The following CSMD1 variants were observed in gnomAD, a reference collection of about 807,000 sequenced individuals.
The protein encoded by CSMD1 is CUB and Sushi multiple domains 1, also known as CUB and sushi domain-containing protein 1.
Under a neutral mutation model 417.5 loss-of-function variants are expected in CSMD1, and 213 were observed. That is an observed-to-expected ratio of 0.51 (90% confidence interval 0.46 to 0.57). The LOEUF (loss-of-function observed/expected upper bound fraction) is 0.57, where lower values mean the gene tolerates loss of function less well. CSMD1 is among the 20% of genes least tolerant of loss of function. CSMD1 has a pLI of 0.00. For missense variants in CSMD1, 6,923 were observed against 4,529.7 expected (o/e 1.53, Z -15.17); for synonymous variants, 2,862 against 1,736.8 (o/e 1.65, Z -16.11).
At chr8:3,378,811 G>A (rs1284081559) in intron 18 of CSMD1, among the ~76,000 whole-genome samples, 3 of 152,170 alleles carry the variant, frequency 2.0e-5, no homozygotes, top group African/African-American at 7.2e-5. Context: ...GCAAAAGCTG[G>A]AAGCATTCCC....
chr8:4,422,060 A>C (rs7015105), intron 2 of CSMD1, among the ~76,000 whole-genome samples: 42,974 of 151,968 alleles, frequency 0.28, 6,978 homozygotes, highest in African/African-American at 0.45. Flanking sequence ...ATGGGTCACT[A>C]ACTCAAACAA....
intron 7 of CSMD1, among the ~76,000 whole-genome samples, chr8:3,665,023 T>C (rs955521575): frequency 6.6e-6 from 1 of 152,076 alleles, no homozygotes; most frequent in Non-Finnish European, 1.5e-5. Context: ...TAAAATAACA[T>C]AATTATACAT....
At chr8:4,956,018 C>G (rs62489434) in intron 1 of CSMD1, among the ~76,000 whole-genome samples, 24,572 of 152,210 alleles carry the variant, frequency 0.16, 3,440 homozygotes, top group African/African-American at 0.37. Context: ...TACTCTCAGA[C>G]TGCTCCAGTC....
At chr8:4,683,434 A>G (rs1365705194) in intron 1 of CSMD1, among the ~76,000 whole-genome samples, 1 of 152,174 alleles carries the variant, frequency 6.6e-6, no homozygotes, top group African/African-American at 2.4e-5. Flanking sequence ...ATCCTGAAGG[A>G]CACACTTGAT....
intron 5 of CSMD1, among the ~76,000 whole-genome samples, chr8:3,831,479 G>A (rs1298356086): frequency 2.6e-5 from 4 of 152,098 alleles, no homozygotes; most frequent in Admixed American, 6.6e-5. Flanking sequence ...TGATATTGAG[G>A]TACTGAAGCC....
At chr8:3,754,120 T>C in intron 5 of CSMD1, 78 bp from the exon 6 acceptor site, 1 of 840,188 alleles carries the variant, frequency 1.2e-6, no homozygotes, top group East Asian at 2.7e-5. Flanking sequence ...CGCTTTGAAA[T>C]CCGATTACTT....
At chr8:3,465,456 G>A (rs183484963) in intron 12 of CSMD1, among the ~76,000 whole-genome samples, 85 of 152,248 alleles carry the variant, frequency 5.6e-4, no homozygotes, top group Admixed American at 1.2e-3. Context: ...GGTCCTCCTG[G>A]TCCACGTGTC....
chr8:3,294,203 C>G (rs926774929), intron 25 of CSMD1, among the ~76,000 whole-genome samples: 1 of 150,244 alleles, frequency 6.7e-6, no homozygotes, highest in Non-Finnish European at 1.5e-5. Context: ...TCTCAGAGTA[C>G]CAGGCCGTGT....
intron 1 of CSMD1, among the ~76,000 whole-genome samples, chr8:4,918,473 T>C (rs1806218250): frequency 6.6e-6 from 1 of 152,102 alleles, no homozygotes; most frequent in Non-Finnish European, 1.5e-5. Flanking sequence ...TTTCTAACTT[T>C]CTGCACAATG....
intron 25 of CSMD1, among the ~76,000 whole-genome samples, chr8:3,286,557 T>C (rs555336733): frequency 2.0e-5 from 3 of 152,170 alleles, no homozygotes; most frequent in Admixed American, 6.6e-5. Flanking sequence ...TGGTTTTGAT[T>C]TGCATTTCTC....
At chr8:4,861,057 T>C (rs527638075) in intron 1 of CSMD1, among the ~76,000 whole-genome samples, 16 of 152,254 alleles carry the variant, frequency 1.1e-4, no homozygotes, top group African/African-American at 3.9e-4. Flanking sequence ...CTCTAAAAGC[T>C]CCTTTTGTTC....
chr8:3,299,234 C>T (rs57805023), intron 25 of CSMD1, among the ~76,000 whole-genome samples: 6,369 of 152,086 alleles, frequency 0.042, 177 homozygotes, highest in African/African-American at 0.081. Flanking sequence ...GGTGGATCGC[C>T]TGAGGTCAGG....
chr8:3,110,069 T>C (rs1585374601), intron 43 of CSMD1, 89 bp downstream of exon 43: 1 of 1,089,412 alleles, frequency 9.2e-7, no homozygotes, highest in Non-Finnish European at 1.3e-6. Context: ...TTATTCTAAA[T>C]ATGTGCCTTG....
chr8:3,251,625 A>T (rs982832175), intron 26 of CSMD1, among the ~76,000 whole-genome samples: 1 of 152,180 alleles, frequency 6.6e-6, no homozygotes, highest in East Asian at 1.9e-4. Flanking sequence ...CTTGATGGGG[A>T]TGGCTTTGAA....
At chr8:4,335,942 T>A (rs1800142992) in intron 3 of CSMD1, among the ~76,000 whole-genome samples, 1 of 152,112 alleles carries the variant, frequency 6.6e-6, no homozygotes, top group South Asian at 2.1e-4. Flanking sequence ...TATTGGAGGA[T>A]AAGCACAGGG....
intron 10 of CSMD1, among the ~76,000 whole-genome samples, chr8:3,565,914 A>T (rs891176345): frequency 1.7e-4 from 26 of 152,048 alleles, no homozygotes; most frequent in South Asian, 2.1e-4. Context: ...TCCTGCTTCC[A>T]GTTTTGTGCC....
intron 5 of CSMD1, among the ~76,000 whole-genome samples, chr8:3,809,349 G>T (rs1005272045): frequency 6.6e-6 from 1 of 152,084 alleles, no homozygotes; most frequent in South Asian, 2.1e-4. Flanking sequence ...ATTTGTTTAC[G>T]CACTTGTTTA....
At chr8:3,084,162 G>A (rs72621191) in intron 49 of CSMD1, among the ~76,000 whole-genome samples, 36,539 of 151,966 alleles carry the variant, frequency 0.24, 4,754 homozygotes, top group East Asian at 0.35. Context: ...AACCCACAAA[G>A]TCTCTTTCTG....
At chr8:4,867,327 T>A (rs1210583893) in intron 1 of CSMD1, among the ~76,000 whole-genome samples, 1 of 152,084 alleles carries the variant, frequency 6.6e-6, no homozygotes, top group African/African-American at 2.4e-5. Context: ...TATCTTGTCA[T>A]TGAAGAGCAT....
Sources: gnomAD v4.1 joint callset for allele counts (sites outside exome capture counted in the v4.1 genomes callset) on GRCh38, gnomAD v4.1.1 for gene constraint, MANE v1.5 for transcripts, NCBI Gene and HGNC (gene_info 2026-07-23, HGNC 2026-07-21) for gene names.